Variants in TRPM8 observed in about 807,000 individuals in gnomAD.
TRPM8 encodes the protein transient receptor potential cation channel subfamily M member 8.
TRPM8 carries 110 observed loss-of-function variants against 133.7 expected under a neutral mutation model. That is an observed-to-expected ratio of 0.82 (90% CI 0.70 to 0.96). TRPM8 has a LOEUF of 0.96. Ranked by LOEUF, TRPM8 falls within the 40% of genes least tolerant of loss-of-function variation. The probability of loss-of-function intolerance (pLI) is 0.00; values close to 1 mark genes in which losing one functional copy is unlikely to be tolerated. For synonymous variants in TRPM8, 535 were observed against 532.3 expected (o/e 1.01, Z -0.07); for missense variants, 1,291 against 1,379.5 (o/e 0.94, Z 1.02).
At chr2:233,922,207 T>C (rs974567058) in intron 1 of TRPM8, among the ~76,000 whole-genome samples, 1 of 151,994 alleles carries the variant, frequency 6.6e-6, no homozygotes. Context: ...TCAGCAAGGG[T>C]TGTGCAAAAA....
intron 22 of TRPM8, among the ~76,000 whole-genome samples, chr2:233,998,463 G>C (rs1161374253): frequency 2.0e-5 from 3 of 152,186 alleles, no homozygotes; most frequent in Non-Finnish European, 4.4e-5. Context: ...TGCATCCTGG[G>C]AATCCAGTTA....
chr2:233,928,655 A>G (rs1177341108), intron 2 of TRPM8, among the ~76,000 whole-genome samples: 3 of 152,192 alleles, frequency 2.0e-5, no homozygotes, highest in African/African-American at 7.2e-5. Flanking sequence ...GTGAGCACTG[A>G]AGCTATTTTT....
At chr2:233,963,188 C>A in intron 12 of TRPM8, 94 bp from the exon 13 acceptor site, 1 of 708,038 alleles carries the variant, frequency 1.4e-6, no homozygotes, top group Non-Finnish European at 2.4e-6. Flanking sequence ...CACAAAGCCA[C>A]AGAGCCCTCC....
At chr2:233,995,605 A>G (rs372826060) in intron 21 of TRPM8, among the ~76,000 whole-genome samples, 1 of 152,222 alleles carries the variant, frequency 6.6e-6, no homozygotes, top group African/African-American at 2.4e-5. Flanking sequence ...AACATATATG[A>G]TAAGCATTTC....
Position 233,945,918 on chromosome 2 carries a change from C to T in TRPM8, c.762C>T (p.Asp254=), listed in dbSNP as rs778817034. The change falls in exon 7 of 26, where the codon GAC becomes GAT. Residue 254 remains aspartate, a synonymous_variant. Coordinates refer to ENST00000324695, the MANE Select transcript of TRPM8 (RefSeq NM_024080.5). Reference sequence around the variant, plus strand: ...CAAGAGATCCACTGTATATCCTGGACAACAACCACACACATTTGCTGCTCG... The same window carrying T: ...CAAGAGATCCACTGTATATCCTGGATAACAACCACACACATTTGCTGCTCG... ...DFTRDPLYIL[D]NNHTHLLLVD... The T allele has an allele frequency of 4.3e-6, 7 of 1,614,014 alleles. No individual in the cohort carries two copies.
At chr2:233,924,134 C>T (rs1319910301) in intron 1 of TRPM8, among the ~76,000 whole-genome samples, 1 of 152,160 alleles carries the variant, frequency 6.6e-6, no homozygotes, top group Admixed American at 6.5e-5. Flanking sequence ...TCAGATCATC[C>T]CCAGGGACCT....
At chr2:233,961,263 G>T (rs1056880752) in intron 12 of TRPM8, among the ~76,000 whole-genome samples, 197 bp downstream of exon 12, 4 of 152,014 alleles carry the variant, frequency 2.6e-5, no homozygotes, top group African/African-American at 9.7e-5. Context: ...CTAATATCTT[G>T]CTTTATGATC....
Position 233,996,535 on chromosome 2 carries a change from T to G in TRPM8, c.3130+19T>G. 2 of 1,610,866 alleles carry G rather than the reference T, an allele frequency of 1.2e-6. No individual in the cohort carries two copies. The highest frequency in any genetic ancestry group is 1.1e-5 in the South Asian group (1 of 90,936). The stretch of plus-strand genomic sequence containing the variant: ...GTCTGCTGTGAGTGGTTTATCCATG[T>G]GTACTTGGGATCAGAAGCAGCGATT... On this transcript the variant is annotated intron_variant, in intron 22 of 25. Transcript: ENST00000324695.
Position 233,996,441 on chromosome 2 carries a change from G to A in TRPM8, c.3055G>A (p.Ala1019Thr), listed in dbSNP as rs145966390. Residue 1019 changes from alanine (A) to threonine (T), a missense_variant, in exon 22 of 26, where the codon GCT becomes ACT. Ala to Thr is a moderately conservative substitution (Grantham distance 58). This residue lies in a region of TRPM8 where 328 missense variants were observed against 410.6 expected (regional missense o/e 0.80). Coordinates refer to ENST00000324695, the MANE Select transcript of TRPM8 (RefSeq NM_024080.5). ...TATCCCCTTCCCCTTCATCGTCTTC[G>A]CTTACTTCTACATGGTGGTGAAGAA... is the stretch of plus-strand genomic sequence containing the variant. ...LNIPFPFIVFAYFYMVVKKCF... is the reference protein window; with the variant it reads ...LNIPFPFIVFTYFYMVVKKCF... 2.5e-5 allele frequency: 41 copies of A among 1,613,994 alleles called. 1 individual carries two copies. The highest frequency in any genetic ancestry group is 2.2e-4 in the Admixed American group (13 of 59,994).
chr2:234,009,701 C>T (rs1386018829), intron 24 of TRPM8, among the ~76,000 whole-genome samples: 2 of 152,170 alleles, frequency 1.3e-5, no homozygotes, highest in Non-Finnish European at 2.9e-5. Context: ...TGTCCTCTTA[C>T]TTCCCCTTCT....
intron 22 of TRPM8, among the ~76,000 whole-genome samples, chr2:234,000,131 G>C (rs1338920854): frequency 2.9e-5 from 2 of 69,204 alleles, no homozygotes; most frequent in Admixed American, 3.7e-4. Context: ...TTATTTTTGA[G>C]ACAGAGTCTC....
intron 11 of TRPM8, among the ~76,000 whole-genome samples, chr2:233,955,637 C>A (rs1691275906): frequency 6.6e-6 from 1 of 152,224 alleles, no homozygotes; most frequent in South Asian, 2.1e-4. Context: ...GACGGCAGCA[C>A]TCTTTTTGCT....
chr2:234,012,054 C>G (rs1249689666), intron 24 of TRPM8, among the ~76,000 whole-genome samples: 1 of 150,694 alleles, frequency 6.6e-6, no homozygotes, highest in Non-Finnish European at 1.5e-5. Context: ...CATAATTTCC[C>G]TTCTAGATAG....
In TRPM8 at chr2:233,966,763, A is replaced by G; in HGVS notation, c.2025+8A>G. ...GCCCAGCCTGGGGTCCAGGTAAACCATACTCAGCCACCAGACCACACGGCC... is the reference window on the plus strand; with the variant it reads ...GCCCAGCCTGGGGTCCAGGTAAACCGTACTCAGCCACCAGACCACACGGCC... On this transcript the variant is annotated splice_region_variant and intron_variant, in intron 15 of 25. Transcript: ENST00000324695. 1 of 1,547,052 alleles carries G rather than the reference A, an allele frequency of 6.5e-7. No homozygotes were observed. Among genetic ancestry groups the G allele is most frequent in the African/African-American group, 1.4e-5 (1 of 73,310 alleles).
At position 233,924,551 on chromosome 2, in the gene TRPM8, G is replaced by A. The variant is rs183577179; in HGVS notation, c.-5-1982G>A. ...ACTGGGATAGCTGCTATCTAAGACT[G>A]TATGCCAAGACCCAGTCAACCAACT... is the stretch of plus-strand genomic sequence containing the variant. On this transcript the variant is annotated intron_variant, in intron 1 of 25. Transcript: ENST00000324695. Among the ~76,000 whole-genome samples, 6 of 152,242 alleles carry A rather than the reference G, an allele frequency of 3.9e-5. No individual in the cohort carries two copies. The East Asian group carries it at 9.6e-4, about 24-fold the overall frequency.
At chr2:233,968,628 G>A (rs975818655) in intron 15 of TRPM8, among the ~76,000 whole-genome samples, 16 of 152,102 alleles carry the variant, frequency 1.1e-4, no homozygotes, top group African/African-American at 3.6e-4. Flanking sequence ...GGCCAGAGGG[G>A]TGCATGTCAG....
chr2:233,940,486 A>G (rs1033271399), intron 5 of TRPM8, among the ~76,000 whole-genome samples: 1 of 152,212 alleles, frequency 6.6e-6, no homozygotes, highest in Non-Finnish European at 1.5e-5. Flanking sequence ...GATGCCTATT[A>G]TGTACCAGAA....
chr2:233,932,316 T>C (rs556439771), intron 3 of TRPM8, among the ~76,000 whole-genome samples: 5 of 152,344 alleles, frequency 3.3e-5, no homozygotes, highest in Middle Eastern at 3.4e-3. Flanking sequence ...GTTATCAGCT[T>C]TCCATTTGCC....
rs1396335645 is a variant in TRPM8, at chr2:233,983,186, A to T, written c.2723A>T (p.Tyr908Phe). ...WIFRSVIYEP[Y>F]LAMFGQVPSD... ...TTCCGTTCGGTCATCTACGAGCCCT[A>T]CCTGGCCATGTTCGGCCAGGTGCCC... Residue 908 changes from tyrosine to phenylalanine, a missense_variant, in exon 20 of 26, where the codon TAC (tyrosine) becomes TTC (phenylalanine). Physicochemically the swap from Tyr to Phe is conservative, Grantham distance 22 (BLOSUM62 3). This residue lies in a region of TRPM8 where 328 missense variants were observed against 410.6 expected (regional missense o/e 0.80). Coordinates refer to ENST00000324695, the MANE Select transcript of TRPM8 (RefSeq NM_024080.5). 1 of 1,614,122 alleles carries T rather than the reference A, an allele frequency of 6.2e-7. No individual in the cohort carries two copies. The highest frequency in any genetic ancestry group is 1.3e-5 in the African/African-American group (1 of 75,034).
Sources: gnomAD v4.1 joint callset for allele counts (sites outside exome capture counted in the v4.1 genomes callset) on GRCh38, gnomAD v4.1.1 for gene constraint, gnomAD v4.1.1 regional missense constraint, MANE v1.5 for transcripts, NCBI Gene and HGNC (gene_info 2026-07-23, HGNC 2026-07-21) for gene names.